Variants in GALNTL6 observed in about 807,000 individuals in gnomAD.
The protein encoded by GALNTL6 is polypeptide N-acetylgalactosaminyltransferase like 6.
Under a neutral mutation model 73.7 loss-of-function variants are expected in GALNTL6, and 46 were observed. The observed-to-expected ratio is 0.62, with a 90% CI of 0.49 to 0.80. The LOEUF (loss-of-function observed/expected upper bound fraction) is 0.80, where lower values mean the gene tolerates loss of function less well. Among genes scored for constraint, GALNTL6 ranks in the 30% least tolerant of loss-of-function variants. GALNTL6 has a pLI of 0.00. For synonymous variants in GALNTL6, 259 were observed against 263.7 expected, an observed-to-expected ratio of 0.98 and a Z score of 0.17; for missense variants, 604 against 755.0, an observed-to-expected ratio of 0.80 and a Z score of 2.34.
At chr4:172,540,757 G>A (rs1001733228) in intron 5 of GALNTL6, among the ~76,000 whole-genome samples, 11 of 152,194 alleles carry the variant, frequency 7.2e-5, no homozygotes, top group African/African-American at 2.4e-4. Context: ...GGAGAGTTAA[G>A]CTATTATCTA....
intron 3 of GALNTL6, among the ~76,000 whole-genome samples, chr4:172,246,385 T>A (rs2111004145): frequency 6.6e-6 from 1 of 152,308 alleles, no homozygotes; most frequent in East Asian, 1.9e-4. Context: ...TGCATAGAAT[T>A]TTTTTGTTTA....
At chr4:172,863,066 A>G (rs760846745) in intron 7 of GALNTL6, among the ~76,000 whole-genome samples, 15 of 152,236 alleles carry the variant, frequency 9.9e-5, no homozygotes, top group Non-Finnish European at 1.8e-4. Context: ...GGTGCACAGA[A>G]GTCAAGAACT....
At chr4:172,113,160 T>A (rs1483745927) in intron 2 of GALNTL6, among the ~76,000 whole-genome samples, 5 of 152,008 alleles carry the variant, frequency 3.3e-5, no homozygotes, top group Admixed American at 3.3e-4. Context: ...ATGCACTGCA[T>A]TCAACATTTT....
chr4:172,608,819 A>G (rs1738409007), intron 5 of GALNTL6, among the ~76,000 whole-genome samples: 1 of 151,966 alleles, frequency 6.6e-6, no homozygotes, highest in Non-Finnish European at 1.5e-5. Context: ...GTGTTTTGTA[A>G]TTCTTGCTGT....
intron 4 of GALNTL6, among the ~76,000 whole-genome samples, chr4:172,330,501 T>C (rs1167745759): frequency 2.0e-5 from 3 of 152,230 alleles, no homozygotes; most frequent in Non-Finnish European, 4.4e-5. Flanking sequence ...TCCCAATGTG[T>C]GTACCTGGCT....
chr4:172,159,632 T>G (rs1579196846), intron 2 of GALNTL6, among the ~76,000 whole-genome samples: 2 of 152,272 alleles, frequency 1.3e-5, no homozygotes, highest in East Asian at 3.9e-4. Context: ...AAAGGAAGTT[T>G]CAGTGCCTGG....
chr4:172,459,047 G>A (rs763493408), intron 5 of GALNTL6, among the ~76,000 whole-genome samples: 9 of 152,200 alleles, frequency 5.9e-5, no homozygotes, highest in Non-Finnish European at 1.3e-4. Flanking sequence ...TGGGATGCAA[G>A]GCTGGTTCAA....
At position 171,813,905 on chromosome 4, in the gene GALNTL6, C is replaced by G. The variant is rs1317537928; in HGVS notation, c.-255C>G. On this transcript the variant is annotated 5_prime_UTR_variant, in exon 1 of 13. Transcript: ENST00000506823. The surrounding 1 kb of genome is among the most constrained non-coding windows in gnomAD (Gnocchi z 5.2). ...GCACTTCGTGGACCTCCATCCGAAC[C>G]GGAGTTCTGCCCGGATCCCGAGTCC... The G allele has an allele frequency of 2.0e-5, 3 of 152,328 alleles. No homozygotes were observed. The East Asian group carries it at 5.8e-4, about 30-fold the overall frequency. The allele number at this position is 152,328 out of a possible 1,614,324, so 9.4% of individuals were successfully genotyped here.
chr4:172,018,652 T>A (rs376119383), intron 2 of GALNTL6, among the ~76,000 whole-genome samples: 4 of 152,064 alleles, frequency 2.6e-5, no homozygotes, highest in Non-Finnish European at 5.9e-5. Flanking sequence ...AGAAAGCAAG[T>A]GGGGCTTTTA....
chr4:171,965,905 T>A (rs1035289626), intron 2 of GALNTL6, among the ~76,000 whole-genome samples: 1 of 152,220 alleles, frequency 6.6e-6, no homozygotes, highest in African/African-American at 2.4e-5. Flanking sequence ...GTAGAATTCA[T>A]ATGTCTAAAA....
chr4:172,621,294 A>G (rs1191809072), intron 5 of GALNTL6, among the ~76,000 whole-genome samples: 1 of 152,200 alleles, frequency 6.6e-6, no homozygotes, highest in East Asian at 1.9e-4. Flanking sequence ...GCCTCAAGCA[A>G]TAATCCCATC....
intron 5 of GALNTL6, among the ~76,000 whole-genome samples, chr4:172,644,677 C>G (rs1461455299): frequency 1.3e-5 from 2 of 151,786 alleles, no homozygotes; most frequent in Admixed American, 1.3e-4. Flanking sequence ...ATATTTTGTA[C>G]TTGATATTTG....
chr4:172,784,079 T>C (rs891405147), intron 5 of GALNTL6, among the ~76,000 whole-genome samples: 1 of 152,138 alleles, frequency 6.6e-6, no homozygotes, highest in African/African-American at 2.4e-5. Context: ...TATAAACCTA[T>C]GTTTACATTA....
intron 11 of GALNTL6, among the ~76,000 whole-genome samples, chr4:173,013,205 T>A (rs536929890): frequency 3.9e-5 from 6 of 152,102 alleles, no homozygotes; most frequent in African/African-American, 1.4e-4. Flanking sequence ...GACTTCAGCC[T>A]GGGAGCAAGA....
At chr4:172,891,897 A>ACTC (rs1302083687) in intron 8 of GALNTL6, among the ~76,000 whole-genome samples, 8 of 151,546 alleles carry the variant, frequency 5.3e-5, no homozygotes, top group Admixed American at 3.9e-4. Flanking sequence ...TCCTCAGCTT[A>ACTC]CTCTAGTCTT....
intron 7 of GALNTL6, among the ~76,000 whole-genome samples, chr4:172,876,715 A>G (rs1034549544): frequency 2.0e-5 from 3 of 152,206 alleles, no homozygotes; most frequent in Non-Finnish European, 2.9e-5. Context: ...CTAGACATGA[A>G]TTATACAAAT....
intron 2 of GALNTL6, among the ~76,000 whole-genome samples, chr4:171,925,408 G>A (rs2110986716): frequency 6.6e-6 from 1 of 152,276 alleles, no homozygotes. Context: ...AAAGGAAGTA[G>A]AAACTAGGAA....
At chr4:172,054,793 C>A (rs1057358833) in intron 2 of GALNTL6, among the ~76,000 whole-genome samples, 1 of 152,150 alleles carries the variant, frequency 6.6e-6, no homozygotes, top group African/African-American at 2.4e-5. Flanking sequence ...TTGTCAAACT[C>A]ATATTGTCCA....
intron 5 of GALNTL6, among the ~76,000 whole-genome samples, chr4:172,713,222 A>ATGTGTGTGTGTGTGTG (rs61504713): frequency 1.4e-4 from 19 of 139,128 alleles, no homozygotes; most frequent in South Asian, 2.4e-4. Flanking sequence ...AAAGAATAAG[A>ATGTGTGTGTGTGTGTG]TGTGTGTGTG....
Sources: allele counts gnomAD v4.1 joint callset (sites outside exome capture counted in the v4.1 genomes callset), GRCh38; gene constraint gnomAD v4.1.1; non-coding constraint Gnocchi (gnomAD v3.1); transcripts MANE v1.5; gene names NCBI Gene and HGNC (gene_info 2026-07-23, HGNC 2026-07-21).